Variants in PEBP4 observed in about 807,000 individuals in gnomAD.
PEBP4 encodes the protein phosphatidylethanolamine binding protein 4.
PEBP4 carries 22 observed loss-of-function variants against 23.9 expected under a neutral mutation model. The observed-to-expected ratio is 0.92, with a 90% CI of 0.66 to 1.31. PEBP4 has a LOEUF of 1.31. PEBP4 is among the 40% of genes most tolerant of loss of function. PEBP4 has a pLI of 0.00. For missense variants in PEBP4, 324 were observed against 281.7 expected, an observed-to-expected ratio of 1.15 and a Z score of -1.07; for synonymous variants, 112 against 99.3, an observed-to-expected ratio of 1.13 and a Z score of -0.76.
intron 4 of PEBP4, among the ~76,000 whole-genome samples, chr8:22,794,554 G>C (rs1352162641): frequency 1.3e-5 from 2 of 152,190 alleles, no homozygotes; most frequent in African/African-American, 4.8e-5. Flanking sequence ...CAAAGTGCTG[G>C]GATGACAAGC....
chr8:22,764,552 T>C (rs1165486337), intron 4 of PEBP4, among the ~76,000 whole-genome samples: 1 of 152,106 alleles, frequency 6.6e-6, no homozygotes, highest in Non-Finnish European at 1.5e-5. Context: ...GGCCTTTATG[T>C]ATATATATAT....
chr8:22,720,161 C>T (rs781782436), intron 6 of PEBP4, among the ~76,000 whole-genome samples: 3 of 152,140 alleles, frequency 2.0e-5, no homozygotes, highest in Non-Finnish European at 2.9e-5. Context: ...GAAGGGGGGC[C>T]GCCACGAGTG....
At chr8:22,911,046 G>A (rs1808928787) in intron 3 of PEBP4, among the ~76,000 whole-genome samples, 1 of 152,120 alleles carries the variant, frequency 6.6e-6, no homozygotes, top group Non-Finnish European at 1.5e-5. Context: ...TGTGGGGGCA[G>A]GGGTACATGG....
intron 1 of PEBP4, among the ~76,000 whole-genome samples, chr8:22,937,594 T>C (rs1282030239): frequency 1.3e-5 from 2 of 152,060 alleles, no homozygotes; most frequent in African/African-American, 4.8e-5. Context: ...CTAAAATTTA[T>C]ATATAATCTT....
chr8:22,827,720 C>T (rs546291992), intron 3 of PEBP4, among the ~76,000 whole-genome samples: 2 of 152,354 alleles, frequency 1.3e-5, no homozygotes, highest in South Asian at 2.1e-4. Context: ...TGTGCAAACA[C>T]TTGTTTTCAA....
intron 6 of PEBP4, among the ~76,000 whole-genome samples, chr8:22,716,268 C>T (rs1804418171): frequency 1.3e-5 from 2 of 152,218 alleles, no homozygotes; most frequent in Admixed American, 1.3e-4. Context: ...TGTTCTCATC[C>T]TGCATAGCCA....
intron 4 of PEBP4, among the ~76,000 whole-genome samples, chr8:22,763,781 G>A (rs777527055): frequency 6.6e-6 from 1 of 152,154 alleles, no homozygotes; most frequent in Non-Finnish European, 1.5e-5. Context: ...GAACTACCAT[G>A]GTTGTAGTTC....
chr8:22,829,424 C>T (rs931336478), intron 3 of PEBP4, among the ~76,000 whole-genome samples: 3 of 152,202 alleles, frequency 2.0e-5, no homozygotes, highest in African/African-American at 4.8e-5. Flanking sequence ...TCCAACCTCC[C>T]CTAACTTCCC....
At chr8:22,725,146 T>G (rs1316142953) in intron 5 of PEBP4, among the ~76,000 whole-genome samples, 190 bp from the exon 6 acceptor site, 1 of 149,520 alleles carries the variant, frequency 6.7e-6, no homozygotes, top group Non-Finnish European at 1.5e-5. Flanking sequence ...CATATTTTGG[T>G]GGGGGTGAGA....
intron 3 of PEBP4, among the ~76,000 whole-genome samples, chr8:22,844,853 G>A (rs1008571765): frequency 1.3e-5 from 2 of 152,164 alleles, no homozygotes; most frequent in Non-Finnish European, 2.9e-5. Context: ...GACCATGGTG[G>A]GCACTTGACC....
chr8:22,776,408 G>A (rs1357789090), intron 4 of PEBP4, among the ~76,000 whole-genome samples: 2 of 152,116 alleles, frequency 1.3e-5, no homozygotes, highest in East Asian at 1.9e-4. Flanking sequence ...GTTTGGGGGA[G>A]CTTTCCATGG....
intron 6 of PEBP4, among the ~76,000 whole-genome samples, chr8:22,716,675 G>A (rs1242968028): frequency 1.3e-5 from 2 of 152,210 alleles, no homozygotes; most frequent in Non-Finnish European, 2.9e-5. Context: ...AACTCTGGAC[G>A]GCTCCATTGG....
In PEBP4 at chr8:22,713,480, T is replaced by A. The variant is rs1253682425; in HGVS notation, c.574A>T (p.Ser192Cys). Residue 192 changes from serine (S) to cysteine (C), a missense_variant, in exon 7 of 7, where the codon AGC (serine) becomes TGC (cysteine). By Grantham distance (112) the Ser-to-Cys change is moderately radical. Transcript: ENST00000256404. ...NRFHLGEPEA[S>C]TQFMTQNYQD... ...TAGTTCTGGGTCATGAACTGGGTGC[T>A]TGCTTCAGGTTCGCCCAGGTGGAAA... is the stretch of plus-strand genomic sequence containing the variant. The A allele has an allele frequency of 6.2e-7, 1 of 1,614,140 alleles. No individual in the cohort carries two copies. The highest frequency in any genetic ancestry group is 1.1e-5 in the South Asian group (1 of 91,084).
At chr8:22,736,555 T>C (rs993379563) in intron 4 of PEBP4, among the ~76,000 whole-genome samples, 11 of 152,160 alleles carry the variant, frequency 7.2e-5, no homozygotes, top group Non-Finnish European at 1.6e-4. Context: ...TAGTGAGCTA[T>C]ATTGTTGCAC....
chr8:22,845,449 G>T (rs1466817756), intron 3 of PEBP4, among the ~76,000 whole-genome samples: 1 of 152,158 alleles, frequency 6.6e-6, no homozygotes, highest in Non-Finnish European at 1.5e-5. Flanking sequence ...GTTGAGCCTG[G>T]GAGGTTGAGG....
intron 4 of PEBP4, among the ~76,000 whole-genome samples, chr8:22,788,881 A>C (rs530388688): frequency 6.6e-5 from 10 of 152,230 alleles, no homozygotes; most frequent in Non-Finnish European, 1.0e-4. Flanking sequence ...ATAAAAAAAA[A>C]GCAGATACAA....
chr8:22,920,104 A>T, intron 3 of PEBP4, 80 bp downstream of exon 3: 1 of 1,547,240 alleles, frequency 6.5e-7, no homozygotes, highest in Non-Finnish European at 8.8e-7. Context: ...CGCAGCTTCA[A>T]GTCACCCAGA....
At chr8:22,885,851 G>C (rs1274816340) in intron 3 of PEBP4, 1 of 152,232 alleles carries the variant, frequency 6.6e-6, no homozygotes, top group African/African-American at 2.4e-5. Flanking sequence ...GGGAGCACCT[G>C]AGTTTGGGAA....
At position 22,789,102 on chromosome 8, in the gene PEBP4, A is replaced by C. The variant is rs1237781015; in HGVS notation, c.357+28535T>G. 3.9e-5 allele frequency among the ~76,000 whole-genome samples: 6 copies of C among 152,212 alleles called. No homozygotes were observed. The East Asian group carries it at 1.2e-3, about 29-fold the overall frequency. ...AATTTTTGATTAGGACACAGACCAA[A>C]TCTTTAATTAATGTCATTTTTTTTC... is the stretch of plus-strand genomic sequence containing the variant. On this transcript the variant is annotated intron_variant, in intron 4 of 6. Coordinates refer to ENST00000256404, the MANE Select transcript of PEBP4 (RefSeq NM_144962.3).
Sources: allele counts gnomAD v4.1 joint callset (sites outside exome capture counted in the v4.1 genomes callset), GRCh38; gene constraint gnomAD v4.1.1; transcripts MANE v1.5; gene names NCBI Gene and HGNC (gene_info 2026-07-23, HGNC 2026-07-21).